The following TBCD variants were observed in gnomAD, a reference collection of about 807,000 sequenced individuals.
TBCD encodes the protein tubulin folding cofactor D.
In TBCD, 105 loss-of-function variants were observed where a neutral mutation model predicts 169.3. That is an observed-to-expected ratio of 0.62 (90% CI 0.53 to 0.73). TBCD has a LOEUF of 0.73. TBCD is among the 30% of genes least tolerant of loss of function. The probability of loss-of-function intolerance (pLI) is 0.00; values close to 1 mark genes in which losing one functional copy is unlikely to be tolerated. For synonymous variants in TBCD, 700 were observed against 643.9 expected, an observed-to-expected ratio of 1.09 and a Z score of -1.32; for missense variants, 1,444 against 1,600.1, an observed-to-expected ratio of 0.90 and a Z score of 1.66.
intron 18 of TBCD, among the ~76,000 whole-genome samples, chr17:82,902,828 T>C (rs557170887): frequency 6.6e-6 from 1 of 152,332 alleles, no homozygotes; most frequent in South Asian, 2.1e-4. Flanking sequence ...GGCTGGGGCA[T>C]GAGCTCTGCG....
rs1006224783 is a variant in TBCD, at chr17:82,874,389, G to C, written c.1475+4009G>C. ...TCCCACTTGGCTTTGATCTCGTGGG[G>C]CTTTGGTTTTTGGAGGTCCTGGGTG... On this transcript the variant is annotated intron_variant, in intron 14 of 38. Transcript: ENST00000355528. The surrounding 1 kb of genome is among the most constrained non-coding windows in gnomAD (Gnocchi z 5.0). Among the ~76,000 whole-genome samples the C allele has an allele frequency of 6.6e-6, 1 of 152,166 alleles. No individual in the cohort carries two copies. The highest frequency in any genetic ancestry group is 1.5e-5 in the Non-Finnish European group (1 of 68,018).
At position 82,787,761 on chromosome 17, in the gene TBCD, G is replaced by A. The variant is rs186171243; in HGVS notation, c.771+6040G>A. ...GGATTTGATCTTCATTTCCCTCGAA[G>A]CGTAGTTCCCTTGCAGTGAGGGTTT... is the stretch of plus-strand genomic sequence containing the variant. On this transcript the variant is annotated intron_variant, in intron 7 of 38. Transcript: ENST00000355528. 3.1e-3 allele frequency among the ~76,000 whole-genome samples: 475 copies of A among 152,332 alleles called. 4 individuals carry two copies. The highest frequency in any genetic ancestry group is 0.011 in the African/African-American group (451 of 41,568).
rs1219605751 is a variant in TBCD, at chr17:82,864,721, G to A, written c.1319-5503G>A. 2.6e-5 allele frequency among the ~76,000 whole-genome samples: 4 copies of A among 152,160 alleles called. No individual in the cohort carries two copies. The highest frequency in any genetic ancestry group is 7.2e-5 in the African/African-American group (3 of 41,420). On this transcript the variant is annotated intron_variant, in intron 13 of 38. Coordinates refer to ENST00000355528, the MANE Select transcript of TBCD (RefSeq NM_005993.5). The surrounding 1 kb of genome is among the most constrained non-coding windows in gnomAD (Gnocchi z 6.3). ...CTTGGTGCGTGATCCCACCGAGGCC[G>A]GGGTTGTGCTTGGGGCACTGGGGGA...
chr17:82,848,116 A>G (rs534395809), intron 13 of TBCD, among the ~76,000 whole-genome samples: 1 of 152,012 alleles, frequency 6.6e-6, no homozygotes, highest in South Asian at 2.1e-4. Flanking sequence ...CAGGGCTGGC[A>G]GTTTCTGGGT....
intron 6 of TBCD, among the ~76,000 whole-genome samples, chr17:82,780,467 C>A (rs559013083): frequency 6.6e-6 from 1 of 151,936 alleles, no homozygotes; most frequent in South Asian, 2.1e-4. Context: ...TCAGGAGGAT[C>A]TGGGCTAATT....
At chr17:82,941,833 G>C (rs1300436707) in intron 38 of TBCD, 1 of 316,792 alleles carries the variant, frequency 3.2e-6, no homozygotes, top group Admixed American at 4.8e-5. Context: ...TGCTTCCCAT[G>C]AGTGGGGCCG....
At chr17:82,796,277 G>A (rs1032417649) in intron 7 of TBCD, among the ~76,000 whole-genome samples, 4 of 152,214 alleles carry the variant, frequency 2.6e-5, no homozygotes, top group East Asian at 1.9e-4. Flanking sequence ...TCTGTAAACC[G>A]ATGACTTAGG....
intron 13 of TBCD, among the ~76,000 whole-genome samples, chr17:82,858,203 T>C (rs935996271): frequency 2.0e-5 from 3 of 152,186 alleles, no homozygotes; most frequent in Non-Finnish European, 4.4e-5. Context: ...CATGAGCCAC[T>C]GTGCCCAGCC....
intron 6 of TBCD, among the ~76,000 whole-genome samples, chr17:82,775,251 G>T (rs1247812038): frequency 2.6e-5 from 4 of 152,248 alleles, no homozygotes; most frequent in African/African-American, 7.2e-5. Flanking sequence ...GGGGGCGTCG[G>T]TGCCGTGGAG....
At chr17:82,899,292 C>T (rs547087109) in intron 17 of TBCD, among the ~76,000 whole-genome samples, 18 of 149,986 alleles carry the variant, frequency 1.2e-4, no homozygotes, top group Non-Finnish European at 2.1e-4. Flanking sequence ...GTCCTCAGTG[C>T]GTGTGTCCTC....
chr17:82,917,041 G>A (rs1290157780), intron 23 of TBCD, among the ~76,000 whole-genome samples: 1 of 41,770 alleles, frequency 2.4e-5, no homozygotes, highest in African/African-American at 7.6e-5. Context: ...TTTTTTTTGA[G>A]TTGGAGTCTT....
intron 23 of TBCD, chr17:82,913,745 G>A (rs1048855940): frequency 2.6e-5 from 4 of 152,408 alleles, no homozygotes; most frequent in Admixed American, 6.5e-5. Flanking sequence ...CCACATTGAT[G>A]TCCCCCAGGC....
chr17:82,919,129 C>CGG (rs35131695), intron 23 of TBCD, among the ~76,000 whole-genome samples: 2 of 151,800 alleles, frequency 1.3e-5, no homozygotes, highest in Middle Eastern at 3.4e-3. Flanking sequence ...AAGTAGTTTA[C>CGG]GGGGGGGGCC....
At chr17:82,933,003 C>A in intron 34 of TBCD, 1 of 490,334 alleles carries the variant, frequency 2.0e-6, no homozygotes, top group Non-Finnish European at 3.7e-6. Flanking sequence ...GCACTCTCCC[C>A]CCAGCTATCC....
chr17:82,850,191 CTGTTGGCTGTGCTGT>C lies in TBCD; in HGVS notation c.1319-20018_1319-20004del, dbSNP rs1567888033. The stretch of plus-strand genomic sequence containing the variant: ...GCCTGTGCTGCTGTTGGCTGTGCTG[CTGTTGGCTGTGCTGT>C]TGTTGGCTGTGCTGCTGTTGGCTGT... On this transcript the variant is annotated intron_variant, in intron 13 of 38. Transcript: ENST00000355528. Among the ~76,000 whole-genome samples the C allele has an allele frequency of 8.7e-3, 455 of 52,272 alleles. 7 individuals are homozygous for C. Among genetic ancestry groups the C allele is most frequent in the Admixed American group, 0.011 (52 of 4,604 alleles). 34.3% of individuals were successfully genotyped at this position (52,272 alleles called of 152,430 possible).
At chr17:82,758,535 C>T (rs1438096371) in intron 2 of TBCD, among the ~76,000 whole-genome samples, 1 of 150,004 alleles carries the variant, frequency 6.7e-6, no homozygotes, top group Admixed American at 6.6e-5. Flanking sequence ...CAGGTGTGAG[C>T]CAGCGTGCCC....
intron 7 of TBCD, among the ~76,000 whole-genome samples, chr17:82,787,015 A>C (rs975983523): frequency 2.4e-4 from 37 of 152,142 alleles, no homozygotes; most frequent in African/African-American, 8.7e-4. Context: ...CCTGTAGCAA[A>C]GTCAAACCAG....
rs962141870 is a variant in TBCD, at chr17:82,930,942, G to C, written c.3113+299G>C. On this transcript the variant is annotated intron_variant, in intron 33 of 38. Transcript: ENST00000355528. This position sits in a 1 kb window ranked among gnomAD's most constrained non-coding sequence, Gnocchi z 5.2. ...AGTACAAGGTGGTCCCTGTGTGTAG[G>C]AAGGCGTTGTGGGAGCTCCTCCAGC... Among the ~76,000 whole-genome samples, 4 of 152,220 alleles carry C rather than the reference G, an allele frequency of 2.6e-5. No homozygotes were observed. The highest frequency in any genetic ancestry group is 6.5e-5 in the Admixed American group (1 of 15,288).
At chr17:82,883,075 T>C (rs1178914371) in intron 14 of TBCD, among the ~76,000 whole-genome samples, 1 of 152,124 alleles carries the variant, frequency 6.6e-6, no homozygotes, top group Admixed American at 6.5e-5. Context: ...ACAGCAGAGC[T>C]GGTGAGAGGA....
Sources: allele counts gnomAD v4.1 joint callset (sites outside exome capture counted in the v4.1 genomes callset), GRCh38; gene constraint gnomAD v4.1.1; non-coding constraint Gnocchi (gnomAD v3.1); transcripts MANE v1.5; gene names NCBI Gene and HGNC (gene_info 2026-07-23, HGNC 2026-07-21).